CCDC83: variants seen among roughly 807,000 people sequenced by gnomAD.
The protein encoded by CCDC83 is coiled-coil domain containing 83, also known as coiled-coil domain-containing protein 83.
Under a neutral mutation model 50.1 loss-of-function variants are expected in CCDC83, and 54 were observed. The observed-to-expected ratio is 1.08, with a 90% CI of 0.87 to 1.35. The LOEUF (loss-of-function observed/expected upper bound fraction) is 1.35, where lower values mean the gene tolerates loss of function less well. CCDC83 is among the 40% of genes most tolerant of loss of function. The pLI, the probability that CCDC83 is intolerant of heterozygous loss-of-function variation, is 0.00. For missense variants in CCDC83, 518 were observed against 473.9 expected (o/e 1.09, Z -0.86); for synonymous variants, 161 against 153.3 (o/e 1.05, Z -0.37).
chr11:85,877,581 ATTTT>A (rs2093276186), intron 3 of CCDC83, among the ~76,000 whole-genome samples: 1 of 152,210 alleles, frequency 6.6e-6, no homozygotes, highest in Admixed American at 6.5e-5. Flanking sequence ...ATCTGGATTT[ATTTT>A]AAGAAGTATT....
chr11:85,856,981 G>A (rs867620427), intron 1 of CCDC83, among the ~76,000 whole-genome samples: 1 of 152,098 alleles, frequency 6.6e-6, no homozygotes, highest in South Asian at 2.1e-4. Flanking sequence ...GCCACAAAAC[G>A]AATAAACTAC....
intron 3 of CCDC83, among the ~76,000 whole-genome samples, chr11:85,878,060 ATTAT>A (rs2093278249): frequency 1.3e-5 from 2 of 152,156 alleles, no homozygotes; most frequent in South Asian, 2.1e-4. Context: ...AGAGTAGTAA[ATTAT>A]TTATTTTTCA....
intron 8 of CCDC83, 65 bp from the exon 9 acceptor site, chr11:85,915,354 C>A (rs1027719987): frequency 1.1e-5 from 12 of 1,110,834 alleles, no homozygotes; most frequent in Non-Finnish European, 1.4e-5. Context: ...GAGAGATAGA[C>A]CCTAGTAAGC....
rs575886345 is a variant in CCDC83 at position 85,864,108 on chromosome 11, G to A, written c.-28-988G>A. Among the ~76,000 whole-genome samples, 8 of 152,248 alleles carry A rather than the reference G, an allele frequency of 5.3e-5. No individual in the cohort carries two copies. The East Asian group carries it at 9.6e-4, about 18-fold the overall frequency. ...ATTAAAGCCCATGTCTGCCTGATTC[G>A]TTCATGCATCCACTCATGTGTTTAT... On this transcript the variant is annotated intron_variant, in intron 1 of 10. Transcript: ENST00000342404.
At chr11:85,904,275 C>T (rs892620921) in intron 7 of CCDC83, among the ~76,000 whole-genome samples, 5 of 152,134 alleles carry the variant, frequency 3.3e-5, no homozygotes, top group East Asian at 1.9e-4. Flanking sequence ...TTACATTGTA[C>T]GGTACATCTA....
chr11:85,911,791 A>G (rs11234473), intron 8 of CCDC83, among the ~76,000 whole-genome samples: 2,047 of 152,250 alleles, frequency 0.013, 46 homozygotes, highest in African/African-American at 0.046. Flanking sequence ...TGGAAGTTTC[A>G]TGGAGGTGAT....
intron 2 of CCDC83, among the ~76,000 whole-genome samples, chr11:85,872,987 G>A (rs1214304105): frequency 6.8e-6 from 1 of 147,168 alleles, no homozygotes; most frequent in Non-Finnish European, 1.5e-5. Context: ...AACATGAACA[G>A]GGATTTTTTT....
At chr11:85,873,637 T>C (rs1185369818) in intron 3 of CCDC83, among the ~76,000 whole-genome samples, 1 of 152,180 alleles carries the variant, frequency 6.6e-6, no homozygotes, top group Admixed American at 6.6e-5. Flanking sequence ...CCATTTTAAA[T>C]CTCTTTGTCT....
chr11:85,904,878 A>C (rs1411003699), intron 7 of CCDC83, among the ~76,000 whole-genome samples: 2 of 152,242 alleles, frequency 1.3e-5, no homozygotes, highest in African/African-American at 4.8e-5. Context: ...TTAAACATTC[A>C]TATGGCTTCT....
chr11:85,867,583 A>C (rs2153682710), intron 2 of CCDC83, among the ~76,000 whole-genome samples: 1 of 152,320 alleles, frequency 6.6e-6, no homozygotes, highest in South Asian at 2.1e-4. Flanking sequence ...ATTCATACTC[A>C]TTTCTCAACA....
At chr11:85,887,800 A>AT (rs1473520754) in intron 5 of CCDC83, among the ~76,000 whole-genome samples, 2 of 113,388 alleles carry the variant, frequency 1.8e-5, no homozygotes, top group Non-Finnish European at 3.6e-5. Flanking sequence ...GTTTTATTGT[A>AT]CCTTTTTTTT....
intron 7 of CCDC83, among the ~76,000 whole-genome samples, chr11:85,910,334 A>G (rs2093447744): frequency 6.6e-6 from 1 of 152,226 alleles, no homozygotes; most frequent in Non-Finnish European, 1.5e-5. Context: ...CCCAAAGTGT[A>G]ATATCATTTC....
At chr11:85,895,253 CTTTTAA>C in intron 5 of CCDC83, 34 bp from the exon 6 acceptor site, 1 of 833,554 alleles carries the variant, frequency 1.2e-6, no homozygotes, top group Non-Finnish European at 1.7e-6. Context: ...CTTGATAAGG[CTTTTAA>C]TTTTCTTTTT....
rs2093382196 is a variant in CCDC83, at chr11:85,897,853, C to A, written c.604-1094C>A. ...AGAAAAATTTTTATGGCAAATCTTT[C>A]AACTCTTAAAGACTTTAATAGGGCT... On this transcript the variant is annotated intron_variant, in intron 6 of 10. Coordinates refer to ENST00000342404, the MANE Select transcript of CCDC83 (RefSeq NM_001286159.2). Among the ~76,000 whole-genome samples, 6 of 152,112 alleles carry A rather than the reference C, an allele frequency of 3.9e-5. No individual in the cohort carries two copies. The South Asian group carries it at 1.2e-3, about 31-fold the overall frequency.
chr11:85,862,237 A>G (rs900161382), intron 1 of CCDC83, among the ~76,000 whole-genome samples: 4 of 152,132 alleles, frequency 2.6e-5, no homozygotes, highest in African/African-American at 9.7e-5. Context: ...GCAAGATTTT[A>G]TGACAGAAAA....
At chr11:85,863,722 C>A (rs1478588789) in intron 1 of CCDC83, among the ~76,000 whole-genome samples, 2 of 152,146 alleles carry the variant, frequency 1.3e-5, no homozygotes, top group Non-Finnish European at 1.5e-5. Flanking sequence ...TTCAGTGATC[C>A]AAATCAATGA....
intron 3 of CCDC83, among the ~76,000 whole-genome samples, chr11:85,882,123 T>C (rs2135033124): frequency 6.7e-6 from 1 of 148,598 alleles, no homozygotes; most frequent in South Asian, 2.1e-4. Flanking sequence ...AGACCTCATC[T>C]CTAAAAAAAC....
chr11:85,884,373 A>G (rs1296053103), intron 4 of CCDC83, among the ~76,000 whole-genome samples: 1 of 152,144 alleles, frequency 6.6e-6, no homozygotes, highest in Non-Finnish European at 1.5e-5. Context: ...GCTTGTTACA[A>G]TGCCAATTCC....
chr11:85,861,931 C>G (rs1399382665), intron 1 of CCDC83, among the ~76,000 whole-genome samples: 2 of 148,742 alleles, frequency 1.3e-5, no homozygotes, highest in African/African-American at 5.0e-5. Flanking sequence ...TGACTTGCAC[C>G]TGGGAGGCAG....
Sources: gnomAD v4.1 joint callset for allele counts (sites outside exome capture counted in the v4.1 genomes callset) on GRCh38, gnomAD v4.1.1 for gene constraint, MANE v1.5 for transcripts, NCBI Gene and HGNC (gene_info 2026-07-23, HGNC 2026-07-21) for gene names.